RRAGD: variants seen among roughly 807,000 people sequenced by gnomAD.
RRAGD encodes ras-related GTP-binding protein D.
RRAGD carries 12 observed loss-of-function variants against 35.5 expected under a neutral mutation model. The ratio of observed to expected loss-of-function variants is 0.34; its 90% CI spans 0.22 to 0.55. The LOEUF (loss-of-function observed/expected upper bound fraction) is 0.55, where lower values mean the gene tolerates loss of function less well. RRAGD is among the 20% of genes least tolerant of loss of function. The probability of loss-of-function intolerance (pLI) is 0.91; values close to 1 mark genes in which losing one functional copy is unlikely to be tolerated. For synonymous variants in RRAGD, 155 were observed against 178.9 expected (o/e 0.87, Z 1.07); for missense variants, 324 against 490.1 (o/e 0.66, Z 3.20).
intron 5 of RRAGD, among the ~76,000 whole-genome samples, chr6:89,373,249 CAGG>C (rs1399562215): frequency 3.3e-5 from 5 of 152,212 alleles, no homozygotes; most frequent in East Asian, 1.9e-4. Context: ...AAGAGTTATA[CAGG>C]AGTTCATTTT....
rs1481528349 is a variant in RRAGD, at chr6:89,367,719, C to T, written c.*337G>A. The T allele has an allele frequency of 5.0e-6, 1 of 200,254 alleles. No individual in the cohort carries two copies. Among genetic ancestry groups the T allele is most frequent in the Non-Finnish European group, 1.0e-5 (1 of 100,276 alleles). 12.4% of individuals were successfully genotyped at this position (200,254 alleles called of 1,614,324 possible). A position where few individuals can be genotyped will look rare whatever the true frequency, so the allele number is the denominator to read the frequency against. ...AAAAAGCTTAGAAAAGTCGTTTTAT[C>T]AAAGTTCAGTTCAATGAGAAACATG... On this transcript the variant is annotated 3_prime_UTR_variant, in exon 7 of 7. Coordinates refer to ENST00000369415, the MANE Select transcript of RRAGD (RefSeq NM_021244.5).
At chr6:89,392,191 G>A (rs1342488866) in intron 1 of RRAGD, among the ~76,000 whole-genome samples, 1 of 151,956 alleles carries the variant, frequency 6.6e-6, no homozygotes, top group African/African-American at 2.4e-5. Flanking sequence ...AAAAGAAAAG[G>A]AGCTGGGCAC....
chr6:89,409,519 G>T (rs1204853343), intron 1 of RRAGD, among the ~76,000 whole-genome samples: 2 of 152,142 alleles, frequency 1.3e-5, no homozygotes, highest in Non-Finnish European at 2.9e-5. Flanking sequence ...TTGAGAGTAG[G>T]TAAATGTAAA....
chr6:89,372,170 A>C (rs1768863298), intron 6 of RRAGD, among the ~76,000 whole-genome samples: 1 of 152,218 alleles, frequency 6.6e-6, no homozygotes, highest in African/African-American at 2.4e-5. Context: ...AGAGATGCCA[A>C]GGCCCCTGGG....
At chr6:89,398,310 G>A (rs530686070) in intron 1 of RRAGD, among the ~76,000 whole-genome samples, 1 of 152,324 alleles carries the variant, frequency 6.6e-6, no homozygotes, top group South Asian at 2.1e-4. Context: ...TATCAAATAT[G>A]TGTTATGTCA....
At chr6:89,390,744 A>C (rs1769217970) in intron 1 of RRAGD, among the ~76,000 whole-genome samples, 1 of 152,080 alleles carries the variant, frequency 6.6e-6, no homozygotes. Flanking sequence ...CTAAAAATAC[A>C]AAAATTAGCC....
chr6:89,396,955 G>A (rs1769347498), intron 1 of RRAGD, among the ~76,000 whole-genome samples: 1 of 151,652 alleles, frequency 6.6e-6, no homozygotes, highest in African/African-American at 2.4e-5. Context: ...CGGCCAGGCT[G>A]GTCTCGAACT....
At chr6:89,391,545 A>G (rs552466175) in intron 1 of RRAGD, among the ~76,000 whole-genome samples, 91 of 152,376 alleles carry the variant, frequency 6.0e-4, no homozygotes, top group African/African-American at 2.1e-3. Context: ...TGAAATGTTC[A>G]GAATGGACAG....
chr6:89,400,308 A>G (rs1769433292), intron 1 of RRAGD, among the ~76,000 whole-genome samples: 1 of 152,240 alleles, frequency 6.6e-6, no homozygotes, highest in African/African-American at 2.4e-5. Flanking sequence ...GCACAAGAGT[A>G]AAATTACGGC....
chr6:89,379,191 C>A (rs1230030037), intron 4 of RRAGD, 33 bp downstream of exon 4: 5 of 1,133,722 alleles, frequency 4.4e-6, no homozygotes, highest in Non-Finnish European at 6.5e-6. Context: ...TCAAATTCTA[C>A]AAGTGACTCA....
chr6:89,405,179 T>C (rs1769553601), intron 1 of RRAGD, among the ~76,000 whole-genome samples: 1 of 150,496 alleles, frequency 6.6e-6, no homozygotes, highest in East Asian at 1.9e-4. Context: ...TGAAAACCCG[T>C]CTCTACTAAA....
chr6:89,377,243 C>T (rs1768964508), intron 5 of RRAGD, among the ~76,000 whole-genome samples: 1 of 152,106 alleles, frequency 6.6e-6, no homozygotes, highest in African/African-American at 2.4e-5. Flanking sequence ...GGCTTTTTGA[C>T]TGTTCAAAGG....
At chr6:89,369,481 G>T (rs1398454412) in intron 6 of RRAGD, among the ~76,000 whole-genome samples, 1 of 152,120 alleles carries the variant, frequency 6.6e-6, no homozygotes, top group South Asian at 2.1e-4. Flanking sequence ...CTGAGGCAGG[G>T]TCTCACTCTG....
intron 1 of RRAGD, among the ~76,000 whole-genome samples, chr6:89,409,887 G>C (rs1769661459): frequency 6.6e-6 from 1 of 152,206 alleles, no homozygotes. Context: ...AGCAACGTTT[G>C]CCGAGCAAAC....
In RRAGD at chr6:89,409,848, C is replaced by T. The variant is rs140694438; in HGVS notation, c.148+1998G>A. On this transcript the variant is annotated intron_variant, in intron 1 of 6. Transcript: ENST00000369415. ...TGAGAAGCAGACCACCTATCCACTG[C>T]AGGCCCAGGTGGACAGAGACCAGGC... 3.1e-3 allele frequency among the ~76,000 whole-genome samples: 478 copies of T among 152,346 alleles called. 2 individuals carry two copies. Among genetic ancestry groups the T allele is most frequent in the African/African-American group, 0.011 (455 of 41,590 alleles).
intron 1 of RRAGD, among the ~76,000 whole-genome samples, chr6:89,406,021 CAT>C (rs1769571516): frequency 6.6e-6 from 1 of 152,156 alleles, no homozygotes; most frequent in Admixed American, 6.5e-5. Context: ...AAACAGAACA[CAT>C]ATTTTTCAAA....
rs1476322405 is a variant in RRAGD at position 89,379,271 on chromosome 6, T to G, written c.712A>C (p.Ile238Leu). ...TTCTCCAGAGTTGGGAGTTGTGGAA[T>G]CAGTTTCTGAACAACTTTGCTAAAA... Reference protein sequence around the residue: ...EAFSKVVQKLIPQLPTLENLL... With the variant: ...EAFSKVVQKLLPQLPTLENLL... The change falls in exon 4 of 7, where the codon ATT becomes CTT. Residue 238 changes from isoleucine (I) to leucine (L), a missense_variant. Around this residue, in one of 5 missense-constraint regions of RRAGD, gnomAD observed 152 missense variants for 296.9 expected, o/e 0.51. Coordinates refer to ENST00000369415, the MANE Select transcript of RRAGD (RefSeq NM_021244.5). 2.5e-6 allele frequency: 4 copies of G among 1,605,206 alleles called. No individual in the cohort carries two copies. The highest frequency in any genetic ancestry group is 3.4e-6 in the Non-Finnish European group (4 of 1,174,524).
At chr6:89,388,338 GA>G (rs1387555921) in intron 1 of RRAGD, among the ~76,000 whole-genome samples, 1 of 152,184 alleles carries the variant, frequency 6.6e-6, no homozygotes, top group East Asian at 1.9e-4. Flanking sequence ...TGGGGGAAAA[GA>G]CGAATGGGGA....
At position 89,411,758 on chromosome 6, in the gene RRAGD, G is replaced by A; in HGVS notation, c.148+88C>T. The A allele has an allele frequency of 7.1e-7, 1 of 1,416,374 alleles. No individual in the cohort carries two copies. Among genetic ancestry groups the A allele is most frequent in the Non-Finnish European group, 9.4e-7 (1 of 1,062,270 alleles). 87.7% of individuals were successfully genotyped at this position (1,416,374 alleles called of 1,614,324 possible). On this transcript the variant is annotated intron_variant, in intron 1 of 6. Transcript: ENST00000369415. The surrounding 1 kb of genome is among the most constrained non-coding windows in gnomAD (Gnocchi z 5.6). Reference sequence around the variant, plus strand: ...GCTCCCCTGGACCCCCTCCAAGTCGGTGGCTCGCGCACGGCCGGGCTGGGG... The same window carrying A: ...GCTCCCCTGGACCCCCTCCAAGTCGATGGCTCGCGCACGGCCGGGCTGGGG...
Sources: allele counts gnomAD v4.1 joint callset (sites outside exome capture counted in the v4.1 genomes callset), GRCh38; gene constraint gnomAD v4.1.1; regional missense constraint gnomAD v4.1.1; non-coding constraint Gnocchi (gnomAD v3.1); transcripts MANE v1.5; gene names NCBI Gene and HGNC (gene_info 2026-07-23, HGNC 2026-07-21).